The following EEF1D variants were observed in gnomAD, a reference collection of about 807,000 sequenced individuals.
EEF1D encodes the protein elongation factor 1-delta.
In EEF1D, 47 loss-of-function variants were observed where a neutral mutation model predicts 63.9. That is an observed-to-expected ratio of 0.74 (90% confidence interval 0.58 to 0.94). The LOEUF (loss-of-function observed/expected upper bound fraction) is 0.94. EEF1D is among the 40% of genes least tolerant of loss of function. The pLI, the probability that EEF1D is intolerant of heterozygous loss-of-function variation, is 0.00. For missense variants in EEF1D, 907 were observed against 899.0 expected, an observed-to-expected ratio of 1.01 and a Z score of -0.11; for synonymous variants, 412 against 386.1, an observed-to-expected ratio of 1.07 and a Z score of -0.79.
chr8:143,581,377 GT>G, intron 5 of EEF1D, 49 bp from the exon 6 acceptor site: 1 of 1,544,932 alleles, frequency 6.5e-7, no homozygotes, highest in Non-Finnish European at 8.8e-7. Flanking sequence ...TGCTCCTAGG[GT>G]CCCCCTGCCA....
Position 143,597,409 on chromosome 8 carries a change from A to G in EEF1D, c.-76T>C, listed in dbSNP as rs193125775. 22 of 151,938 alleles carry G rather than the reference A, an allele frequency of 1.4e-4. No individual in the cohort carries two copies. The highest frequency in any genetic ancestry group is 4.8e-4 in the African/African-American group (20 of 41,454). 9.4% of individuals were successfully genotyped at this position (151,938 alleles called of 1,614,324 possible). A position where few individuals can be genotyped will look rare whatever the true frequency, so the allele number is the denominator to read the frequency against. On this transcript the variant is annotated 5_prime_UTR_variant, in exon 1 of 10. Coordinates refer to ENST00000618139, the MANE Select transcript of EEF1D (RefSeq NM_001130053.5). ...TCGGCGGACGCGGGAAGACTGATGA[A>G]AGGGAGGGCCGCCCGGGCCGCGCAC... is the stretch of plus-strand genomic sequence containing the variant.
chr8:143,594,139 CA>C (rs886709090), intron 1 of EEF1D: 2 of 155,714 alleles, frequency 1.3e-5, no homozygotes, highest in South Asian at 2.0e-4. Flanking sequence ...AGCCAGGCCC[CA>C]GGGGGAAGTG....
chr8:143,580,228 A>C, intron 8 of EEF1D, 22 bp from the exon 9 acceptor site: 2 of 1,606,844 alleles, frequency 1.2e-6, no homozygotes, highest in Non-Finnish European at 1.7e-6. Context: ...GGGGAGGAAA[A>C]GCTGGGGTCA....
chr8:143,589,278 G>T lies in EEF1D; in HGVS notation c.804C>A (p.Ala268=), dbSNP rs761839312. The T allele has an allele frequency of 1.3e-6, 2 of 1,586,740 alleles. No individual in the cohort carries two copies. Among genetic ancestry groups the T allele is most frequent in the South Asian group, 1.1e-5 (1 of 88,202 alleles). The part of the protein sequence containing the change: ...KVRLQERAGL[A]EGARRGRRDR... ...CTCTGCGGCCCCGCCGGGCACCCTC[G>T]GCCAGGCCGGCTCGCTCTTGCAGGC... The change falls in exon 3 of 10, where the codon GCC becomes GCA. Residue 268 remains alanine (A), a synonymous_variant. Transcript: ENST00000618139.
chr8:143,594,751 C>T (rs1828516687), intron 1 of EEF1D, among the ~76,000 whole-genome samples: 1 of 152,254 alleles, frequency 6.6e-6, no homozygotes, highest in Non-Finnish European at 1.5e-5. Context: ...TGGACTGGCA[C>T]TGCCTGATAG....
At position 143,580,710 on chromosome 8, in the gene EEF1D, G is replaced by A; in HGVS notation, c.1506C>T (p.Arg502=). 3 of 1,613,370 alleles carry A rather than the reference G, an allele frequency of 1.9e-6. No homozygotes were observed. The highest frequency in any genetic ancestry group is 8.5e-7 in the Non-Finnish European group (1 of 1,179,998). Residue 502 remains arginine (R), a synonymous_variant, in exon 8 of 10, where the codon CGC becomes CGT. Coordinates refer to ENST00000618139, the MANE Select transcript of EEF1D (RefSeq NM_001130053.5). Reference sequence around the variant, plus strand: ...GCTTCTTGGCTGGGGGCTCCACTTGGCGCATGGGAGATACGTGCTGCCACA... The same window carrying A: ...GCTTCTTGGCTGGGGGCTCCACTTGACGCATGGGAGATACGTGCTGCCACA... ...APQTQHVSPM[R]QVEPPAKKPA...
Position 143,589,325 on chromosome 8 carries a change from C to T in EEF1D, c.757G>A (p.Gly253Ser), listed in dbSNP as rs1399858736. ...AGGCGCACCTTCCCTGGGGGATGGC[C>T]GTCAAACAGGGCCTCGTAGAAGCCC... Reference protein sequence around the residue: ...ERGFYEALFDGHPPGKVRLQE... With the variant: ...ERGFYEALFDSHPPGKVRLQE... Residue 253 changes from glycine (G) to serine (S), a missense_variant, in exon 3 of 10, where the codon GGC becomes AGC. Coordinates refer to ENST00000618139, the MANE Select transcript of EEF1D (RefSeq NM_001130053.5). The T allele has an allele frequency of 3.8e-6, 6 of 1,585,194 alleles. No homozygotes were observed. Among genetic ancestry groups the T allele is most frequent in the Admixed American group, 1.8e-5 (1 of 57,108 alleles).
In EEF1D at chr8:143,589,871, T is replaced by C. The variant is rs1243709433; in HGVS notation, c.211A>G (p.Arg71Gly). 2 of 1,600,680 alleles carry C rather than the reference T, an allele frequency of 1.2e-6. No individual in the cohort carries two copies. The highest frequency in any genetic ancestry group is 1.7e-6 in the Non-Finnish European group (2 of 1,176,138). ...TCCTGGCTCTTCCTGGGATCACGCC[T>C]GCTGCCGCCGTCAGGGGCTTCCGCC... is the stretch of plus-strand genomic sequence containing the variant. ...DEAEAPDGGS[R>G]RDPRKSQDSR... The change falls in exon 3 of 10, where the codon AGG becomes GGG. Residue 71 changes from arginine to glycine, a missense_variant. Physicochemically the swap from Arg to Gly is moderately radical, Grantham distance 125 (BLOSUM62 -2). Transcript: ENST00000618139.
At chr8:143,590,657 C>T (rs1827789921) in intron 2 of EEF1D, 1 of 930,898 alleles carries the variant, frequency 1.1e-6, no homozygotes, top group Non-Finnish European at 1.3e-6. Context: ...GTAATCCCAA[C>T]ACTTTGGGAG....
rs770973625 is a variant in EEF1D, at chr8:143,589,493, G to C, written c.589C>G (p.Pro197Ala). 32 of 1,523,796 alleles carry C rather than the reference G, an allele frequency of 2.1e-5. No individual in the cohort carries two copies. Among genetic ancestry groups the C allele is most frequent in the Non-Finnish European group, 2.6e-5 (29 of 1,132,290 alleles). 94.4% of individuals were successfully genotyped at this position (1,523,796 alleles called of 1,614,324 possible). A position where few individuals can be genotyped will look rare whatever the true frequency, so the allele number is the denominator to read the frequency against. Residue 197 changes from proline to alanine, a missense_variant, in exon 3 of 10, where the codon CCC becomes GCC. By Grantham distance (27) the Pro-to-Ala change is conservative. Transcript: ENST00000618139. Reference protein sequence around the residue: ...APDGSRRQGTPNTGQQVAVPD... With the variant: ...APDGSRRQGTANTGQQVAVPD... ...ACGGCCACCTGCTGGCCTGTGTTGGGAGTCCCCTGCCTGCGGCTGCCGTCG... is the reference window on the plus strand; with the variant it reads ...ACGGCCACCTGCTGGCCTGTGTTGGCAGTCCCCTGCCTGCGGCTGCCGTCG...
intron 1 of EEF1D, chr8:143,597,109 C>T (rs1450514327): frequency 6.6e-6 from 1 of 152,170 alleles, no homozygotes; most frequent in Non-Finnish European, 1.5e-5. Flanking sequence ...AGACAGTGCT[C>T]CCGGCGCCCC....
chr8:143,589,549 A>C lies in EEF1D; in HGVS notation c.533T>G (p.Val178Gly). The C allele has an allele frequency of 6.6e-7, 1 of 1,513,780 alleles. No homozygotes were observed. Among genetic ancestry groups the C allele is most frequent in the Non-Finnish European group, 8.8e-7 (1 of 1,130,566 alleles). 93.8% of individuals were successfully genotyped at this position (1,513,780 alleles called of 1,614,324 possible). Residue 178 changes from valine to glycine, a missense_variant, in exon 3 of 10, where the codon GTG becomes GGG. Coordinates refer to ENST00000618139, the MANE Select transcript of EEF1D (RefSeq NM_001130053.5). ...SSFDQAERAF[V>G]EWSQALLLAP... ...CAGCAACAGGGCCTGAGACCACTCCACGAAGGCCCGCTCAGCCTGGTCGAA... is the reference window on the plus strand; with the variant it reads ...CAGCAACAGGGCCTGAGACCACTCCCCGAAGGCCCGCTCAGCCTGGTCGAA...
intron 9 of EEF1D, 45 bp downstream of exon 9, chr8:143,579,967 G>A: frequency 6.3e-7 from 1 of 1,593,328 alleles, no homozygotes; most frequent in Non-Finnish European, 8.6e-7. Flanking sequence ...ATGGGCCAGG[G>A]TCCCCAGTCT....
At chr8:143,582,709 A>G (rs1825793553) in intron 5 of EEF1D, 1 of 148,628 alleles carries the variant, frequency 6.7e-6, no homozygotes, top group South Asian at 2.2e-4. Context: ...GGACACAGGG[A>G]GAGTCCCCTC....
Position 143,589,220 on chromosome 8 carries a change from G to T in EEF1D, c.862C>A (p.Arg288=). 6.3e-7 allele frequency: 1 copy of T among 1,581,008 alleles called. No homozygotes were observed. Among genetic ancestry groups the T allele is most frequent in the Non-Finnish European group, 8.6e-7 (1 of 1,162,036 alleles). ...CCATCGGCCCGTCGCAGCCCGGCCC[G>T]CTTGTTCCCTAAGATGTTGCGGCCC... is the stretch of plus-strand genomic sequence containing the variant. The part of the protein sequence containing the change: ...RRGRNILGNK[R]AGLRRADGEA... Residue 288 remains arginine, a synonymous_variant, in exon 3 of 10, where the codon CGG becomes AGG. Coordinates refer to ENST00000618139, the MANE Select transcript of EEF1D (RefSeq NM_001130053.5).
chr8:143,592,084 C>CT, intron 2 of EEF1D: 1 of 985,312 alleles, frequency 1.0e-6, no homozygotes. Context: ...TGGGGCAGCA[C>CT]TTACCAAGGC....
rs1173190605 is a variant in EEF1D, at chr8:143,586,662, CTT to C, written c.1215+65_1215+66del. 11 of 1,583,760 alleles carry C rather than the reference CTT, an allele frequency of 6.9e-6. No individual in the cohort carries two copies. The Admixed American group carries it at 1.9e-4, about 27-fold the overall frequency. ...TGCCTTCCTGGCCTGGCTGAATCCG[CTT>C]TGTGTGCCCCGGCCACTCCTGTCGG... On this transcript the variant is annotated intron_variant, in intron 4 of 9. Coordinates refer to ENST00000618139, the MANE Select transcript of EEF1D (RefSeq NM_001130053.5).
rs1826574619 is a variant in EEF1D, at chr8:143,586,237, G to A, written c.1269C>T (p.Ile423=). 6.2e-7 allele frequency: 1 copy of A among 1,609,904 alleles called. No homozygotes were observed. The highest frequency in any genetic ancestry group is 1.3e-5 in the African/African-American group (1 of 74,924). The part of the protein sequence containing the change: ...LRDIARAREN[I]QKSLAGSSGP... ...TACTCACTCCAGCCAGGGATTTCTG[G>A]ATGTTCTCTCTGGCTCTCGCAATGT... The change falls in exon 5 of 10, where the codon ATC becomes ATT. Residue 423 remains isoleucine (I), a synonymous_variant. Transcript: ENST00000618139.
chr8:143,594,017 GA>G, intron 1 of EEF1D: 3 of 681,214 alleles, frequency 4.4e-6, no homozygotes, highest in Non-Finnish European at 5.5e-6. Context: ...ACTGCGTCCC[GA>G]CAAACGGTCA....
Sources: allele counts gnomAD v4.1 joint callset (sites outside exome capture counted in the v4.1 genomes callset), GRCh38; gene constraint gnomAD v4.1.1; transcripts MANE v1.5; gene names NCBI Gene and HGNC (gene_info 2026-07-23, HGNC 2026-07-21).